CORO2B: variants seen among roughly 807,000 people sequenced by gnomAD.
CORO2B encodes the protein coronin 2B.
Under a neutral mutation model 58.8 loss-of-function variants are expected in CORO2B, and 26 were observed. That is an observed-to-expected ratio of 0.44 (90% confidence interval 0.32 to 0.61). CORO2B has a LOEUF of 0.61. Among genes scored for constraint, CORO2B ranks in the 20% least tolerant of loss-of-function variants. The pLI is 0.04. For synonymous variants in CORO2B, 242 were observed against 253.8 expected, an observed-to-expected ratio of 0.95 and a Z score of 0.44; for missense variants, 460 against 645.1, an observed-to-expected ratio of 0.71 and a Z score of 3.11.
intron 8 of CORO2B, among the ~76,000 whole-genome samples, chr15:68,716,072 G>A (rs960336017): frequency 3.3e-5 from 5 of 152,096 alleles, no homozygotes; most frequent in Non-Finnish European, 4.4e-5. Context: ...CAGGAACATC[G>A]GGGCTGAAAG....
chr15:68,645,146 C>G lies in CORO2B; in HGVS notation c.16-14C>G. ...GGGCCCAGCCTGACCCTTGTCTCTCCTGGCCCCTCACAGATGTCCTGGCGT... is the reference window on the plus strand; with the variant it reads ...GGGCCCAGCCTGACCCTTGTCTCTCGTGGCCCCTCACAGATGTCCTGGCGT... On this transcript the variant is annotated splice_polypyrimidine_tract_variant and intron_variant, in intron 1 of 11. Coordinates refer to ENST00000261861, the MANE Select transcript of CORO2B (RefSeq NM_006091.5). The surrounding 1 kb of genome is among the most constrained non-coding windows in gnomAD (Gnocchi z 4.5). 1.2e-6 allele frequency: 2 copies of G among 1,613,158 alleles called. No homozygotes were observed. Among genetic ancestry groups the G allele is most frequent in the Non-Finnish European group, 1.7e-6 (2 of 1,179,526 alleles).
intron 2 of CORO2B, among the ~76,000 whole-genome samples, chr15:68,674,792 C>T (rs1287772649): frequency 6.6e-6 from 1 of 152,226 alleles, no homozygotes; most frequent in African/African-American, 2.4e-5. Context: ...CCAGCCTTTC[C>T]ACCAGTGCCC....
At chr15:68,555,433 G>A in the CORO2B span, among the ~76,000 whole-genome samples, 1 of 152,200 alleles carries the variant, frequency 6.6e-6, no homozygotes, top group Non-Finnish European at 1.5e-5. Context: ...GCCATGGTCA[G>A]AGCTCACAGC....
intron 3 of CORO2B, among the ~76,000 whole-genome samples, chr15:68,704,784 G>T (rs1483876316): frequency 7.2e-5 from 11 of 152,114 alleles, no homozygotes; most frequent in Non-Finnish European, 1.5e-5. Flanking sequence ...CTGACCCAGG[G>T]ACCTGTAAAG....
chr15:68,680,935 C>T (rs567059278), intron 2 of CORO2B, among the ~76,000 whole-genome samples: 5 of 152,270 alleles, frequency 3.3e-5, no homozygotes, highest in East Asian at 1.9e-4. Flanking sequence ...GAAAAGGGGC[C>T]GGGCGCGGTG....
intron 2 of CORO2B, among the ~76,000 whole-genome samples, chr15:68,670,906 AAAG>A (rs1343056833): frequency 2.0e-5 from 3 of 152,222 alleles, no homozygotes; most frequent in African/African-American, 7.2e-5. Flanking sequence ...ATTCATAACA[AAAG>A]CATTTTTTTA....
the CORO2B span, among the ~76,000 whole-genome samples, chr15:68,548,421 T>C: frequency 6.6e-6 from 1 of 152,164 alleles, no homozygotes; most frequent in East Asian, 1.9e-4. Flanking sequence ...ATCAGCTGTC[T>C]TGAAACACTC....
the CORO2B span, among the ~76,000 whole-genome samples, chr15:68,552,739 C>A: frequency 6.6e-6 from 1 of 152,192 alleles, no homozygotes; most frequent in Non-Finnish European, 1.5e-5. Flanking sequence ...CTTCCTTCAG[C>A]TACCCCAAAG....
intron 2 of CORO2B, among the ~76,000 whole-genome samples, chr15:68,666,652 G>A (rs920004650): frequency 6.6e-6 from 1 of 152,158 alleles, no homozygotes; most frequent in African/African-American, 2.4e-5. Flanking sequence ...CGAGGGTGGA[G>A]AAAGCAGGGC....
intron 11 of CORO2B, among the ~76,000 whole-genome samples, chr15:68,722,611 A>T (rs1026534281): frequency 6.6e-6 from 1 of 152,272 alleles, no homozygotes; most frequent in African/African-American, 2.4e-5. Flanking sequence ...CCAAAAAACA[A>T]TGCAAAGAAA....
chr15:68,695,343 C>A, intron 3 of CORO2B, 87 bp downstream of exon 3: 1 of 923,160 alleles, frequency 1.1e-6, no homozygotes, highest in Non-Finnish European at 1.8e-6. Context: ...CTCCCCTCCT[C>A]CACCCTTTGC....
intron 1 of CORO2B, among the ~76,000 whole-genome samples, chr15:68,580,003 G>T (rs1899386763): frequency 6.6e-6 from 1 of 152,246 alleles, no homozygotes; most frequent in African/African-American, 2.4e-5. Flanking sequence ...GAGGAAAGAT[G>T]ATGGGGCAGT....
chr15:68,698,720 G>A (rs529494315), intron 3 of CORO2B, among the ~76,000 whole-genome samples: 27 of 152,238 alleles, frequency 1.8e-4, no homozygotes, highest in South Asian at 6.2e-4. Context: ...GGTTTTGCTC[G>A]TCTCTGAAAC....
At chr15:68,535,308 A>C in the CORO2B span, among the ~76,000 whole-genome samples, 1 of 152,210 alleles carries the variant, frequency 6.6e-6, no homozygotes, top group Non-Finnish European at 1.5e-5. Context: ...TCAACAACCA[A>C]GGTTATAATT....
chr15:68,675,606 G>A (rs1902556835), intron 2 of CORO2B, among the ~76,000 whole-genome samples: 1 of 152,176 alleles, frequency 6.6e-6, no homozygotes, highest in Non-Finnish European at 1.5e-5. Flanking sequence ...TTAGGGAAAT[G>A]ATAACTCCTC....
At chr15:68,624,320 C>T (rs1168604084) in intron 1 of CORO2B, among the ~76,000 whole-genome samples, 1 of 152,128 alleles carries the variant, frequency 6.6e-6, no homozygotes, top group Non-Finnish European at 1.5e-5. Context: ...TTTGAGGCTG[C>T]AGTAAGCTAT....
At chr15:68,548,759 A>G in the CORO2B span, among the ~76,000 whole-genome samples, 3 of 152,214 alleles carry the variant, frequency 2.0e-5, no homozygotes, top group Admixed American at 6.5e-5. Context: ...TCTTGCCAAC[A>G]TGATGAATGA....
At chr15:68,620,429 A>C (rs559247784) in intron 1 of CORO2B, among the ~76,000 whole-genome samples, 15 of 152,352 alleles carry the variant, frequency 9.8e-5, no homozygotes, top group Non-Finnish European at 1.8e-4. Flanking sequence ...TGAAGTTTGG[A>C]AAACACTGAT....
intron 2 of CORO2B, among the ~76,000 whole-genome samples, chr15:68,681,555 C>T (rs1263305607): frequency 4.6e-5 from 7 of 152,006 alleles, no homozygotes; most frequent in Admixed American, 4.6e-4. Context: ...TTTCATAGGA[C>T]CTGAGACATC....
Sources: gnomAD v4.1 joint callset for allele counts (sites outside exome capture counted in the v4.1 genomes callset) on GRCh38, gnomAD v4.1.1 for gene constraint, Gnocchi (gnomAD v3.1) non-coding constraint, MANE v1.5 for transcripts, NCBI Gene and HGNC (gene_info 2026-07-23, HGNC 2026-07-21) for gene names.